Variants in CNTN1 observed in about 807,000 individuals in gnomAD.
CNTN1 encodes contactin 1.
A neutral mutation model predicts 126.4 loss-of-function variants in CNTN1; 38 were observed. That is an observed-to-expected ratio of 0.30 (90% CI 0.23 to 0.39). The LOEUF is 0.39. CNTN1 is among the 10% of genes least tolerant of loss of function. The probability of loss-of-function intolerance (pLI) is 1.00; values close to 1 mark genes in which losing one functional copy is unlikely to be tolerated. For missense variants in CNTN1, 1,009 were observed against 1,248.4 expected (o/e 0.81, Z 2.89); for synonymous variants, 413 against 422.6 (o/e 0.98, Z 0.28).
rs549478331 is a variant in CNTN1, at chr12:40,973,656, A to G, written c.1805-7253A>G. ...TTTTTCCTACTTACACCAGTTCTGCAGCATGAATATTTATATTAAATGTAT... is the reference window on the plus strand; with the variant it reads ...TTTTTCCTACTTACACCAGTTCTGCGGCATGAATATTTATATTAAATGTAT... On this transcript the variant is annotated intron_variant, in intron 15 of 23. Transcript: ENST00000551295. 5.3e-5 allele frequency among the ~76,000 whole-genome samples: 8 copies of G among 152,284 alleles called. No individual in the cohort carries two copies. The East Asian group carries it at 5.8e-4, about 11-fold the overall frequency.
intron 1 of CNTN1, among the ~76,000 whole-genome samples, chr12:40,728,361 T>C (rs1942410715): frequency 6.6e-6 from 1 of 152,156 alleles, no homozygotes; most frequent in South Asian, 2.1e-4. Flanking sequence ...AGATGACTGC[T>C]AAGCCTTTGG....
chr12:41,059,150 G>A (rs1054637631), intron 23 of CNTN1, among the ~76,000 whole-genome samples: 2 of 151,548 alleles, frequency 1.3e-5, no homozygotes, highest in Non-Finnish European at 2.9e-5. Context: ...AATACACTAG[G>A]AGAAAAATCT....
intron 1 of CNTN1, among the ~76,000 whole-genome samples, chr12:40,771,042 A>G (rs936875318): frequency 2.6e-5 from 4 of 152,036 alleles, no homozygotes; most frequent in Non-Finnish European, 5.9e-5. Flanking sequence ...GTGCATTTTC[A>G]TTTGTTCATA....
In CNTN1 at chr12:41,041,213, A is replaced by G. The variant is rs1255151951; in HGVS notation, c.2980+11994A>G. Among the ~76,000 whole-genome samples the G allele has an allele frequency of 7.2e-5, 11 of 152,274 alleles. No homozygotes were observed. The South Asian group carries it at 1.0e-3, about 14-fold the overall frequency. On this transcript the variant is annotated intron_variant, in intron 23 of 23. Coordinates refer to ENST00000551295, the MANE Select transcript of CNTN1 (RefSeq NM_001843.4). ...TTTGGTTCTGTTTATATGCTGGATT[A>G]CATTTACTGATTTGCATATATTGAA...
At chr12:41,038,359 G>A (rs1308119804) in intron 23 of CNTN1, among the ~76,000 whole-genome samples, 5 of 151,978 alleles carry the variant, frequency 3.3e-5, no homozygotes, top group Admixed American at 2.0e-4. Flanking sequence ...TCTCAATTTT[G>A]GGGGCTAGAT....
chr12:40,892,590 T>C (rs1193353511), intron 1 of CNTN1, among the ~76,000 whole-genome samples: 1 of 151,930 alleles, frequency 6.6e-6, no homozygotes, highest in Non-Finnish European at 1.5e-5. Context: ...ATATCGGAAA[T>C]AGTACCTGAC....
At chr12:40,837,891 C>T (rs1374020750) in intron 1 of CNTN1, among the ~76,000 whole-genome samples, 1 of 152,130 alleles carries the variant, frequency 6.6e-6, no homozygotes, top group Non-Finnish European at 1.5e-5. Context: ...TAGGCTCAGG[C>T]TACCACTGGT....
At chr12:40,842,349 G>A (rs1942317848) in intron 1 of CNTN1, among the ~76,000 whole-genome samples, 1 of 151,994 alleles carries the variant, frequency 6.6e-6, no homozygotes, top group Non-Finnish European at 1.5e-5. Flanking sequence ...GGAAATTGTA[G>A]TTAACAATAA....
At chr12:41,067,742 T>C (rs1358078766) in intron 23 of CNTN1, among the ~76,000 whole-genome samples, 3 of 148,264 alleles carry the variant, frequency 2.0e-5, no homozygotes, top group Non-Finnish European at 4.4e-5. Flanking sequence ...AATGTGCACA[T>C]GTACCCTAAA....
intron 1 of CNTN1, among the ~76,000 whole-genome samples, chr12:40,897,356 G>C (rs1325625191): frequency 6.6e-6 from 1 of 152,086 alleles, no homozygotes; most frequent in East Asian, 1.9e-4. Flanking sequence ...GCCTAACTAG[G>C]TGCTAAGCTT....
intron 23 of CNTN1, among the ~76,000 whole-genome samples, chr12:41,030,291 T>C (rs1949122169): frequency 6.6e-6 from 1 of 152,086 alleles, no homozygotes; most frequent in Admixed American, 6.6e-5. Flanking sequence ...CCAGAGTATT[T>C]AATGGTATTT....
intron 6 of CNTN1, among the ~76,000 whole-genome samples, chr12:40,929,295 A>C (rs900488941): frequency 5.9e-5 from 9 of 151,768 alleles, no homozygotes; most frequent in Non-Finnish European, 7.4e-5. Context: ...ATGTGACCAC[A>C]ATAGGTTATG....
intron 23 of CNTN1, among the ~76,000 whole-genome samples, chr12:41,061,124 T>A (rs1460011571): frequency 6.6e-6 from 1 of 152,210 alleles, no homozygotes; most frequent in Non-Finnish European, 1.5e-5. Context: ...AATGTCACCT[T>A]GCATTTCTAA....
chr12:40,703,827 T>C (rs1042703597), intron 1 of CNTN1, among the ~76,000 whole-genome samples: 1 of 151,948 alleles, frequency 6.6e-6, no homozygotes, highest in Non-Finnish European at 1.5e-5. Flanking sequence ...GAAATGCAGA[T>C]CTACCATGTG....
intron 17 of CNTN1, among the ~76,000 whole-genome samples, chr12:41,012,456 A>C (rs1328848051): frequency 6.6e-6 from 1 of 152,212 alleles, no homozygotes; most frequent in Non-Finnish European, 1.5e-5. Flanking sequence ...ATGATAGGAA[A>C]GTTGGAGATC....
At chr12:40,870,228 G>T in intron 1 of CNTN1, among the ~76,000 whole-genome samples, 1 of 150,524 alleles carries the variant, frequency 6.6e-6, no homozygotes. Context: ...CATAAAAATT[G>T]ACCAATACAT....
rs1454688772 is a variant in CNTN1, at chr12:40,908,357, G to T, written c.-76G>T. The T allele has an allele frequency of 6.2e-6, 6 of 973,828 alleles. No individual in the cohort carries two copies. Among genetic ancestry groups the T allele is most frequent in the East Asian group, 2.5e-5 (1 of 40,680 alleles). The allele number at this position is 973,828 out of a possible 1,614,324, so 60.3% of individuals were successfully genotyped here. A position where few individuals can be genotyped will look rare whatever the true frequency, so the allele number is the denominator to read the frequency against. ...CTTCTTCTTTTCTTTCTTGATGCAG[G>T]TGTTTAAAATTATCCAACTGCCATA... On this transcript the variant is annotated splice_region_variant and 5_prime_UTR_variant, in exon 2 of 24. Transcript: ENST00000551295.
In CNTN1 at chr12:40,782,865, A is replaced by G. The variant is rs967815904; in HGVS notation, c.-77+90273A>G. Reference sequence around the variant, plus strand: ...GAATTGTCTAGTTTTTCCAAGGTATAAAATGATGACTTAATCCTAACAGAA... The same window carrying G: ...GAATTGTCTAGTTTTTCCAAGGTATGAAATGATGACTTAATCCTAACAGAA... On this transcript the variant is annotated intron_variant, in intron 1 of 23. Transcript: ENST00000551295. Among the ~76,000 whole-genome samples, 4 of 151,976 alleles carry G rather than the reference A, an allele frequency of 2.6e-5. 1 individual carries two copies. In the South Asian group the frequency reaches 8.3e-4, roughly 31 times the overall value.
chr12:40,864,019 C>CTATTTTTTTTT (rs1943210459), intron 1 of CNTN1, among the ~76,000 whole-genome samples: 1 of 92,584 alleles, frequency 1.1e-5, no homozygotes, highest in Admixed American at 1.4e-4. Flanking sequence ...CTCTGCTTTC[C>CTATTTTTTTTT]TTTTTTTTTT....
Sources: allele counts gnomAD v4.1 joint callset (sites outside exome capture counted in the v4.1 genomes callset), GRCh38; gene constraint gnomAD v4.1.1; transcripts MANE v1.5; gene names NCBI Gene and HGNC (gene_info 2026-07-23, HGNC 2026-07-21).